BDKRB2: variants seen among roughly 807,000 people sequenced by gnomAD.
BDKRB2 encodes the protein bradykinin receptor B2.
In BDKRB2, 6 loss-of-function variants were observed where a neutral mutation model predicts 4.0. The ratio of observed to expected loss-of-function variants is 1.49; its 90% CI spans 0.81 to 2.93. The LOEUF is 2.93. Ranked by LOEUF, BDKRB2 falls within the 30% of genes most tolerant of loss-of-function variation. The pLI is 0.00. For missense variants in BDKRB2, 478 were observed against 520.1 expected (o/e 0.92, Z 0.79); for synonymous variants, 225 against 215.3 (o/e 1.05, Z -0.40).
chr14:96,209,570 G>C (rs1368593071), intron 1 of BDKRB2, among the ~76,000 whole-genome samples: 2 of 152,218 alleles, frequency 1.3e-5, no homozygotes, highest in Non-Finnish European at 2.9e-5. Context: ...AAAGAGGCAA[G>C]CAGTTGCACC....
chr14:96,214,477 C>T (rs1484667981), intron 1 of BDKRB2, among the ~76,000 whole-genome samples: 1 of 152,204 alleles, frequency 6.6e-6, no homozygotes, highest in Non-Finnish European at 1.5e-5. Flanking sequence ...CAAGCGGGGA[C>T]CTGGGCTCTG....
intron 1 of BDKRB2, among the ~76,000 whole-genome samples, chr14:96,220,828 G>A (rs1204217089): frequency 2.0e-5 from 3 of 151,988 alleles, no homozygotes; most frequent in African/African-American, 7.3e-5. Flanking sequence ...GCGTATATGA[G>A]AGGGATGCAA....
intron 1 of BDKRB2, among the ~76,000 whole-genome samples, chr14:96,228,003 C>T (rs956940178): frequency 2.0e-5 from 3 of 152,204 alleles, no homozygotes; most frequent in Admixed American, 6.5e-5. Context: ...GGGCTTGTTC[C>T]CTGGAGGGCT....
intron 2 of BDKRB2, chr14:96,239,306 G>C (rs776052433): frequency 8.7e-5 from 85 of 974,028 alleles, no homozygotes; most frequent in Admixed American, 5.5e-4. Flanking sequence ...CAGGATGAGA[G>C]CAATACCCTA....
At chr14:96,226,212 T>C (rs1173685856) in intron 1 of BDKRB2, among the ~76,000 whole-genome samples, 1 of 152,128 alleles carries the variant, frequency 6.6e-6, no homozygotes, top group Admixed American at 6.5e-5. Flanking sequence ...CCATTGCTCT[T>C]AAGGTTTGAT....
chr14:96,240,761 A>C lies in BDKRB2; in HGVS notation c.433A>C (p.Ile145Leu), dbSNP rs547136020. ...AIISMNLYSS[I>L]CFLMLVSIDR... ...TATCTCCATGAACCTGTACAGCAGCATCTGTTTCCTGATGCTGGTGAGCAT... is the reference window on the plus strand; with the variant it reads ...TATCTCCATGAACCTGTACAGCAGCCTCTGTTTCCTGATGCTGGTGAGCAT... The change falls in exon 3 of 3, where the codon ATC (isoleucine) becomes CTC (leucine). Residue 145 changes from isoleucine (I) to leucine (L), a missense_variant. By Grantham distance (5) the Ile-to-Leu change is conservative (BLOSUM62 2). Coordinates refer to ENST00000554311, the MANE Select transcript of BDKRB2 (RefSeq NM_001379692.1). 3.2e-6 allele frequency: 5 copies of C among 1,571,124 alleles called. 1 individual carries two copies. The South Asian group carries it at 6.0e-5, about 19-fold the overall frequency.
At position 96,243,241 on chromosome 14, in the gene BDKRB2, G is replaced by A. The variant is rs545468766; in HGVS notation, c.*1737G>A. ...AACCTGGAGGGCTAGAACCTGGAGA[G>A]CTAGAACCTAGAAGGGCTAGAACCT... On this transcript the variant is annotated 3_prime_UTR_variant, in exon 3 of 3. Transcript: ENST00000554311. 1.3e-5 allele frequency: 2 copies of A among 150,852 alleles called. No individual in the cohort carries two copies. Among genetic ancestry groups the A allele is most frequent in the South Asian group, 4.4e-4 (2 of 4,544 alleles). The allele number at this position is 150,852 out of a possible 1,614,324, so 9.3% of individuals were successfully genotyped here. A position where few individuals can be genotyped will look rare whatever the true frequency, so the allele number is the denominator to read the frequency against.
chr14:96,211,311 A>G (rs146393027), intron 1 of BDKRB2, among the ~76,000 whole-genome samples: 1 of 152,268 alleles, frequency 6.6e-6, no homozygotes, highest in Non-Finnish European at 1.5e-5. Flanking sequence ...AGCCTCGGAG[A>G]TTGCACCTTG....
chr14:96,234,789 A>G (rs1052139126), intron 1 of BDKRB2, among the ~76,000 whole-genome samples: 2 of 152,248 alleles, frequency 1.3e-5, no homozygotes, highest in Admixed American at 6.5e-5. Context: ...ACACCCAGCC[A>G]GGTAGATGCA....
rs1890136673 is a variant in BDKRB2, at chr14:96,204,880, GGT to G, written c.-117_-116del. ...CTGGGCTCCGAGGAGGGGTGGGGAC[GGT>G]GGGGACGGTGGGGACATCAGGCTGC... On this transcript the variant is annotated 5_prime_UTR_variant, in exon 1 of 3. Transcript: ENST00000554311. 4.2e-6 allele frequency: 1 copy of G among 237,378 alleles called. No individual in the cohort carries two copies. Among genetic ancestry groups the G allele is most frequent in the Non-Finnish European group, 7.9e-6 (1 of 127,020 alleles). 14.7% of individuals were successfully genotyped at this position (237,378 alleles called of 1,614,324 possible).
intron 1 of BDKRB2, among the ~76,000 whole-genome samples, chr14:96,231,997 T>TC (rs1890829650): frequency 6.6e-6 from 1 of 151,814 alleles, no homozygotes; most frequent in Non-Finnish European, 1.5e-5. Flanking sequence ...CCCAGCAAAA[T>TC]CCCCCATCTC....
chr14:96,211,779 G>T (rs547561942), intron 1 of BDKRB2, among the ~76,000 whole-genome samples: 1 of 152,128 alleles, frequency 6.6e-6, no homozygotes, highest in East Asian at 1.9e-4. Context: ...GGGATCCTTC[G>T]GTTCCTTCAG....
At chr14:96,207,843 AC>A (rs985264711) in intron 1 of BDKRB2, among the ~76,000 whole-genome samples, 3 of 152,104 alleles carry the variant, frequency 2.0e-5, no homozygotes, top group Admixed American at 2.0e-4. Flanking sequence ...TAGGACAATT[AC>A]GGTACCTCAG....
At chr14:96,220,018 A>G (rs948068832) in intron 1 of BDKRB2, among the ~76,000 whole-genome samples, 1 of 151,992 alleles carries the variant, frequency 6.6e-6, no homozygotes, top group Admixed American at 6.6e-5. Context: ...TCACTGCGAG[A>G]GTATTTATAC....
intron 1 of BDKRB2, among the ~76,000 whole-genome samples, chr14:96,207,141 C>T (rs1049110312): frequency 1.3e-5 from 2 of 152,092 alleles, no homozygotes; most frequent in African/African-American, 2.4e-5. Context: ...ATCATAGCAC[C>T]GGGGGACTCT....
chr14:96,223,307 T>C lies in BDKRB2; in HGVS notation c.-39-13762T>C, dbSNP rs112899677. On this transcript the variant is annotated intron_variant, in intron 1 of 2. Transcript: ENST00000554311. The stretch of plus-strand genomic sequence containing the variant: ...ATCCATGAATCAGAACCTCACATCT[T>C]GCTGTTCCGGCGCCCACCACCCAAG... The C allele has an allele frequency of 1.5e-5, 16 of 1,067,960 alleles. 1 individual carries two copies. Among genetic ancestry groups the C allele is most frequent in the African/African-American group, 7.8e-5 (5 of 64,478 alleles). The allele number at this position is 1,067,960 out of a possible 1,614,324, so 66.2% of individuals were successfully genotyped here. A position where few individuals can be genotyped will look rare whatever the true frequency, so the allele number is the denominator to read the frequency against.
At chr14:96,235,194 A>G (rs1486265828) in intron 1 of BDKRB2, among the ~76,000 whole-genome samples, 1 of 151,940 alleles carries the variant, frequency 6.6e-6, no homozygotes, top group Non-Finnish European at 1.5e-5. Context: ...CCAAAAATAC[A>G]AAAATTAGCC....
Position 96,241,600 on chromosome 14 carries a change from C to T in BDKRB2, c.*96C>T, listed in dbSNP as rs201648284. ...GGAATGCCAAGGAGACATCTATGCA[C>T]GACCTTGGGAAATGAGTTGATGTCT... On this transcript the variant is annotated 3_prime_UTR_variant, in exon 3 of 3. Transcript: ENST00000554311. 39 of 1,451,134 alleles carry T rather than the reference C, an allele frequency of 2.7e-5. 1 individual carries two copies. Among genetic ancestry groups the T allele is most frequent in the East Asian group, 9.5e-5 (4 of 41,960 alleles). The allele number at this position is 1,451,134 out of a possible 1,614,324, so 89.9% of individuals were successfully genotyped here. A position where few individuals can be genotyped will look rare whatever the true frequency, so the allele number is the denominator to read the frequency against.
intron 2 of BDKRB2, chr14:96,238,579 TC>T: frequency 2.0e-6 from 2 of 985,804 alleles, no homozygotes; most frequent in South Asian, 9.4e-5. Flanking sequence ...CCACGCTTAC[TC>T]CCTCACTCAA....
Sources: allele counts gnomAD v4.1 joint callset (sites outside exome capture counted in the v4.1 genomes callset), GRCh38; gene constraint gnomAD v4.1.1; transcripts MANE v1.5; gene names NCBI Gene and HGNC (gene_info 2026-07-23, HGNC 2026-07-21).